CRYBG1: variants seen among roughly 807,000 people sequenced by gnomAD.
CRYBG1 encodes crystallin beta-gamma domain containing 1, also known as beta/gamma crystallin domain-containing protein 1.
Under a neutral mutation model 189.2 loss-of-function variants are expected in CRYBG1, and 139 were observed. The ratio of observed to expected loss-of-function variants is 0.73; its 90% CI spans 0.64 to 0.85. The LOEUF is 0.85. Among genes scored for constraint, CRYBG1 ranks in the 40% least tolerant of loss-of-function variants. The probability of loss-of-function intolerance (pLI) is 0.00; values close to 1 mark genes in which losing one functional copy is unlikely to be tolerated. For missense variants in CRYBG1, 2,611 were observed against 2,675.8 expected (o/e 0.98, Z 0.53); for synonymous variants, 1,023 against 1,017.1 (o/e 1.01, Z -0.11).
At chr6:106,412,344 C>T (rs1016908889) in intron 1 of CRYBG1, among the ~76,000 whole-genome samples, 7 of 152,202 alleles carry the variant, frequency 4.6e-5, no homozygotes. Context: ...TTAAAATTCT[C>T]TTTCTTGCTT....
At chr6:106,369,782 C>T (rs975945555) in intron 1 of CRYBG1, among the ~76,000 whole-genome samples, 7 of 152,196 alleles carry the variant, frequency 4.6e-5, no homozygotes, top group Non-Finnish European at 1.0e-4. Context: ...AAGTGCTTTA[C>T]AAATATTAAC....
chr6:106,533,346 A>G (rs1048235258), intron 8 of CRYBG1, among the ~76,000 whole-genome samples: 1 of 152,258 alleles, frequency 6.6e-6, no homozygotes. Flanking sequence ...GGATAGGGAT[A>G]AGACAGGGCT....
At chr6:106,407,725 TA>T (rs917970168) in intron 1 of CRYBG1, among the ~76,000 whole-genome samples, 4 of 152,096 alleles carry the variant, frequency 2.6e-5, no homozygotes, top group African/African-American at 4.8e-5. Flanking sequence ...AAACTCACTC[TA>T]AAAAACACAA....
chr6:106,361,142 G>GC, intron 1 of CRYBG1, 61 bp downstream of exon 1: 1 of 1,496,296 alleles, frequency 6.7e-7, no homozygotes, highest in South Asian at 1.3e-5. Flanking sequence ...CTCCTGCTGC[G>GC]CTAGCCCTTG....
intron 2 of CRYBG1, among the ~76,000 whole-genome samples, chr6:106,509,094 C>G (rs1461822947): frequency 6.6e-6 from 1 of 152,164 alleles, no homozygotes; most frequent in East Asian, 1.9e-4. Context: ...AAGACTCAAA[C>G]CTATTTTCCC....
At chr6:106,437,241 T>A (rs73509281) in intron 1 of CRYBG1, among the ~76,000 whole-genome samples, 1 of 152,216 alleles carries the variant, frequency 6.6e-6, no homozygotes, top group Non-Finnish European at 1.5e-5. Flanking sequence ...TCATTTCCCT[T>A]GTTCATCTCA....
At chr6:106,447,388 G>A (rs1771683121) in intron 1 of CRYBG1, among the ~76,000 whole-genome samples, 1 of 152,056 alleles carries the variant, frequency 6.6e-6, no homozygotes, top group Non-Finnish European at 1.5e-5. Context: ...ACAACAGGGT[G>A]ACTATAGTGA....
At chr6:106,564,799 G>C (rs535873659) in intron 21 of CRYBG1, among the ~76,000 whole-genome samples, 2 of 152,264 alleles carry the variant, frequency 1.3e-5, no homozygotes, top group Admixed American at 1.3e-4. Context: ...GTCATCTGGG[G>C]TAATTCTGCT....
intron 1 of CRYBG1, among the ~76,000 whole-genome samples, chr6:106,395,753 T>G (rs747068030): frequency 2.6e-5 from 4 of 152,078 alleles, no homozygotes; most frequent in African/African-American, 4.8e-5. Flanking sequence ...AATCCTCAGT[T>G]TGTGATTATT....
chr6:106,509,649 G>A (rs1773204259), intron 2 of CRYBG1, among the ~76,000 whole-genome samples: 1 of 151,902 alleles, frequency 6.6e-6, no homozygotes, highest in Non-Finnish European at 1.5e-5. Flanking sequence ...TGACTCTGGG[G>A]GGTGGGTGAC....
chr6:106,548,990 G>A (rs146656921), intron 13 of CRYBG1, among the ~76,000 whole-genome samples: 5,987 of 148,204 alleles, frequency 0.04, 175 homozygotes, highest in Non-Finnish European at 0.061. Context: ...GAGAACATGC[G>A]GTGTTTGGTT....
rs1052719034 is a variant in CRYBG1 at position 106,417,176 on chromosome 6, T to A, written c.174-34518T>A. On this transcript the variant is annotated intron_variant, in intron 1 of 21. Coordinates refer to ENST00000633556, the MANE Select transcript of CRYBG1 (RefSeq NM_001371242.2). ...ACCACCATGCTCAGTTATTTTTTTT[T>A]AAAAGACAGGGTCTGACTAAAATTT... Among the ~76,000 whole-genome samples the A allele has an allele frequency of 5.3e-5, 8 of 151,832 alleles. No homozygotes were observed. In the East Asian group the frequency reaches 5.8e-4, roughly 11 times the overall value.
At position 106,519,932 on chromosome 6, in the gene CRYBG1, TA is replaced by T. The variant is rs1351610312; in HGVS notation, c.2727del (p.Gly910AspfsTer17). 5.6e-6 allele frequency: 9 copies of T among 1,614,176 alleles called. No homozygotes were observed. The highest frequency in any genetic ancestry group is 1.3e-5 in the African/African-American group (1 of 75,044). ...CTGATCTAAAAGTGTCAGAAAACCA[TA>T]AAGGATGTGTTTTGCCTGTGTCTCG... The part of the protein sequence containing the change: ...CTDLKVSENH[K>X]GCVLPVSRQN... On this transcript the variant is annotated frameshift_variant, in exon 4 of 22. Transcript: ENST00000633556. LOFTEE classifies it high-confidence loss of function.
At chr6:106,474,094 A>G (rs1240476003) in intron 2 of CRYBG1, among the ~76,000 whole-genome samples, 3 of 152,322 alleles carry the variant, frequency 2.0e-5, no homozygotes, top group South Asian at 4.1e-4. Flanking sequence ...TGATTACACA[A>G]TGTATCTGTA....
Position 106,511,930 on chromosome 6 carries a change from C to CG in CRYBG1, c.814dup (p.Ala272GlyfsTer43), listed in dbSNP as rs1050790904. ...CCAGGCAAGAGAACGCAGAGACGCC[C>CG]GCCCGCAGTCCGGGGGAGGACGCTT... is the stretch of plus-strand genomic sequence containing the variant. On this transcript the variant is annotated frameshift_variant, in exon 3 of 22. Transcript: ENST00000633556. LOFTEE classifies it high-confidence loss of function. The CG allele has an allele frequency of 6.6e-7, 1 of 1,525,012 alleles. No individual in the cohort carries two copies. Among genetic ancestry groups the CG allele is most frequent in the Non-Finnish European group, 8.8e-7 (1 of 1,139,986 alleles). 94.5% of individuals were successfully genotyped at this position (1,525,012 alleles called of 1,614,324 possible).
intron 8 of CRYBG1, among the ~76,000 whole-genome samples, chr6:106,536,551 T>G (rs941895717): frequency 6.6e-6 from 1 of 152,252 alleles, no homozygotes; most frequent in Non-Finnish European, 1.5e-5. Flanking sequence ...AGTGCTGTTT[T>G]TGTTTAAGAG....
At chr6:106,382,486 C>T (rs1770305731) in intron 1 of CRYBG1, among the ~76,000 whole-genome samples, 2 of 152,158 alleles carry the variant, frequency 1.3e-5, no homozygotes, top group Middle Eastern at 3.2e-3. Flanking sequence ...CCTTCAGTGT[C>T]ACCAGTTTTG....
chr6:106,565,017 G>A (rs1774838269), intron 21 of CRYBG1, among the ~76,000 whole-genome samples: 2 of 152,226 alleles, frequency 1.3e-5, no homozygotes, highest in African/African-American at 4.8e-5. Context: ...TGTCATTAAA[G>A]TTTATGATGT....
chr6:106,519,780 A>G lies in CRYBG1; in HGVS notation c.2572A>G (p.Thr858Ala), dbSNP rs775497791. Reference sequence around the variant, plus strand: ...AACGGCCATGCCAAAGCCACAGCATACATTTTCTGACTCACAGTCCCCTGC... The same window carrying G: ...AACGGCCATGCCAAAGCCACAGCATGCATTTTCTGACTCACAGTCCCCTGC... Reference protein sequence around the residue: ...PPTAMPKPQHTFSDSQSPAES... With the variant: ...PPTAMPKPQHAFSDSQSPAES... Residue 858 changes from threonine (T) to alanine (A), a missense_variant, in exon 4 of 22, where the codon ACA (threonine) becomes GCA (alanine). By Grantham distance (58) the Thr-to-Ala change is moderately conservative. Transcript: ENST00000633556. The G allele has an allele frequency of 6.2e-7, 1 of 1,614,078 alleles. No individual in the cohort carries two copies. The highest frequency in any genetic ancestry group is 1.3e-5 in the African/African-American group (1 of 74,922).
Sources: gnomAD v4.1 joint callset for allele counts (sites outside exome capture counted in the v4.1 genomes callset) on GRCh38, gnomAD v4.1.1 for gene constraint, MANE v1.5 for transcripts, NCBI Gene and HGNC (gene_info 2026-07-23, HGNC 2026-07-21) for gene names.